The following CLSPN variants were observed in gnomAD, a reference collection of about 807,000 sequenced individuals.
CLSPN encodes the protein claspin homolog.
A neutral mutation model predicts 156.3 loss-of-function variants in CLSPN; 85 were observed. That is an observed-to-expected ratio of 0.54 (90% CI 0.46 to 0.65). The LOEUF is 0.65. CLSPN is among the 30% of genes least tolerant of loss of function. CLSPN has a pLI of 0.00. For synonymous variants in CLSPN, 534 were observed against 542.4 expected (o/e 0.98, Z 0.22); for missense variants, 1,407 against 1,554.9 (o/e 0.90, Z 1.60).
chr1:35,756,089 AAG>A (rs1459048486), intron 8 of CLSPN, among the ~76,000 whole-genome samples: 1 of 152,194 alleles, frequency 6.6e-6, no homozygotes, highest in African/African-American at 2.4e-5. Context: ...TTACTAGAAA[AAG>A]AGAAAAATGA....
rs200267861 is a variant in CLSPN, at chr1:35,760,703, C to T, written c.1218G>A (p.Glu406=). 9.2e-5 allele frequency: 148 copies of T among 1,614,160 alleles called. No homozygotes were observed. In the East Asian group the frequency reaches 2.3e-3, roughly 25 times the overall value. ...SCRKDLVKNE[E]LEIQEKQKQS... ...GCTTCTGTTTCTCCTGAATTTCTAG[C>T]TCTTCATTTTTTACCAAATCCTTCC... Residue 406 remains glutamate (E), a synonymous_variant, in exon 8 of 25, where the codon GAG becomes GAA. Coordinates refer to ENST00000318121, the MANE Select transcript of CLSPN (RefSeq NM_022111.4).
At position 35,738,019 on chromosome 1, in the gene CLSPN, C is replaced by A; in HGVS notation, c.3637G>T (p.Val1213Phe). 1 of 1,487,492 alleles carries A rather than the reference C, an allele frequency of 6.7e-7. No individual in the cohort carries two copies. Among genetic ancestry groups the A allele is most frequent in the South Asian group, 1.5e-5 (1 of 67,016 alleles). The allele number at this position is 1,487,492 out of a possible 1,614,324, so 92.1% of individuals were successfully genotyped here. Reference sequence around the variant, plus strand: ...TTCTTCTGCAGTGCTTTGGCTGTAACTTTCTTGGCCAGTATCATAAACTGA... The same window carrying A: ...TTCTTCTGCAGTGCTTTGGCTGTAAATTTCTTGGCCAGTATCATAAACTGA... ...DSQFMILAKK[V>F]TAKALQKNAS... Residue 1213 changes from valine to phenylalanine, a missense_variant, in exon 22 of 25, where the codon GTT becomes TTT. Val to Phe is a conservative substitution (Grantham distance 50). Transcript: ENST00000318121.
intron 13 of CLSPN, 134 bp downstream of exon 13, chr1:35,748,271 G>C (rs1641959316): frequency 1.4e-5 from 14 of 992,670 alleles, no homozygotes; most frequent in South Asian, 3.1e-5. Context: ...ATACACAAAG[G>C]GGGTGGATTT....
rs778616490 is a variant in CLSPN, at chr1:35,739,276, G to T, written c.3309-19C>A. ...AGTTTTCCTGCAACAGGAGAAATAA[G>T]GTGTTCAAAACAAGGACCATTCTGG... On this transcript the variant is annotated intron_variant, in intron 19 of 24. Coordinates refer to ENST00000318121, the MANE Select transcript of CLSPN (RefSeq NM_022111.4). The T allele has an allele frequency of 8.1e-6, 13 of 1,613,984 alleles. No homozygotes were observed. The Admixed American group carries it at 1.0e-4, about 12-fold the overall frequency.
rs752008941 is a variant in CLSPN at position 35,757,246 on chromosome 1, CCTGT to C, written c.1579+3092_1579+3095del. Among the ~76,000 whole-genome samples, 23 of 152,260 alleles carry C rather than the reference CCTGT, an allele frequency of 1.5e-4. 1 individual carries two copies. In the East Asian group the frequency reaches 1.5e-3, roughly 10 times the overall value. ...ATCCAGTATTGTAATGGTCTGTTTGCCTGTCTATCACTCCTATTACACTTCAATT... is the reference window on the plus strand; with the variant it reads ...ATCCAGTATTGTAATGGTCTGTTTGCCTATCACTCCTATTACACTTCAATT... On this transcript the variant is annotated intron_variant, in intron 8 of 24. Transcript: ENST00000318121.
At chr1:35,744,836 G>T (rs919345955) in intron 16 of CLSPN, among the ~76,000 whole-genome samples, 1 of 152,012 alleles carries the variant, frequency 6.6e-6, no homozygotes, top group African/African-American at 2.4e-5. Context: ...ATTTTGAGAC[G>T]GAGTTTTGTT....
chr1:35,755,988 G>A (rs554423694), intron 8 of CLSPN, among the ~76,000 whole-genome samples: 3 of 152,172 alleles, frequency 2.0e-5, no homozygotes, highest in Non-Finnish European at 4.4e-5. Context: ...CTATAGGCAT[G>A]AAACTTGACT....
intron 16 of CLSPN, 21 bp downstream of exon 16, chr1:35,745,430 T>C: frequency 6.5e-7 from 1 of 1,543,076 alleles, no homozygotes; most frequent in Middle Eastern, 1.7e-4. Flanking sequence ...CTTCCCAAAT[T>C]CCCAGCAATC....
chr1:35,728,077 C>CTTTTTT (rs59275877), downstream of CLSPN, among the ~76,000 whole-genome samples: 7 of 103,980 alleles, frequency 6.7e-5, no homozygotes, highest in African/African-American at 1.1e-4. Flanking sequence ...AAACCACAAG[C>CTTTTTT]TTTTTTTTTT....
chr1:35,745,554 T>C lies in CLSPN; in HGVS notation c.2863A>G (p.Thr955Ala), dbSNP rs1641850597. ...TTATTTAACTCTGATGAGGCTGGAG[T>C]GGAGGCATCTACATCACAACAAGGA... Reference protein sequence around the residue: ...SGKFTSQDASTPASSELNKQE... With the variant: ...SGKFTSQDASAPASSELNKQE... Residue 955 changes from threonine (T) to alanine (A), a missense_variant, in exon 16 of 25, where the codon ACT (threonine) becomes GCT (alanine). Coordinates refer to ENST00000318121, the MANE Select transcript of CLSPN (RefSeq NM_022111.4). The C allele has an allele frequency of 1.9e-6, 3 of 1,608,408 alleles. No individual in the cohort carries two copies. Among genetic ancestry groups the C allele is most frequent in the Non-Finnish European group, 2.6e-6 (3 of 1,175,008 alleles).
intron 14 of CLSPN, among the ~76,000 whole-genome samples, chr1:35,747,277 G>A (rs995444372): frequency 1.6e-4 from 25 of 151,852 alleles, no homozygotes; most frequent in Non-Finnish European, 2.9e-4. Flanking sequence ...AGCCGAGATC[G>A]CGCCACTGCA....
intron 8 of CLSPN, among the ~76,000 whole-genome samples, chr1:35,758,788 C>CT (rs1461260781): frequency 7.3e-6 from 1 of 137,142 alleles, no homozygotes; most frequent in African/African-American, 2.5e-5. Flanking sequence ...TCATATAGTG[C>CT]TTTTTTCTTT....
At chr1:35,725,245 C>G (rs1326037596) in intron 24 of CLSPN, among the ~76,000 whole-genome samples, 2 of 152,198 alleles carry the variant, frequency 1.3e-5, no homozygotes, top group Non-Finnish European at 2.9e-5. Flanking sequence ...TCTCACCCAC[C>G]CCTTCCAAGG....
At position 35,747,926 on chromosome 1, in the gene CLSPN, G is replaced by A; in HGVS notation, c.2608C>T (p.Gln870Ter). 6.2e-7 allele frequency: 1 copy of A among 1,613,918 alleles called. No homozygotes were observed. The highest frequency in any genetic ancestry group is 8.5e-7 in the Non-Finnish European group (1 of 1,179,966). ...QFCLEDDTQS[Q>*]LLDADGFLNV... ...ACCTACCCATCTGCATCCAACAGTT[G>A]GCTCTGAGTGTCATCTTCTAAACAG... The change falls in exon 14 of 25, where the codon CAA becomes TAA. Residue 870 changes from glutamine (Q) to a stop codon, truncating the protein, a stop_gained. Transcript: ENST00000318121. LOFTEE classifies it high-confidence loss of function.
At position 35,736,439 on chromosome 1, in the gene CLSPN, C is replaced by A; in HGVS notation, c.*57G>T. The stretch of plus-strand genomic sequence containing the variant: ...TGGCTGGAGTGTCAATTCCAACTTT[C>A]AGTGCTAGAAACTTCTCAAAGCAGT... On this transcript the variant is annotated 3_prime_UTR_variant, in exon 25 of 25. Coordinates refer to ENST00000318121, the MANE Select transcript of CLSPN (RefSeq NM_022111.4). 1 of 1,495,614 alleles carries A rather than the reference C, an allele frequency of 6.7e-7. No individual in the cohort carries two copies. The highest frequency in any genetic ancestry group is 8.9e-7 in the Non-Finnish European group (1 of 1,123,480). 92.6% of individuals were successfully genotyped at this position (1,495,614 alleles called of 1,614,324 possible). A position where few individuals can be genotyped will look rare whatever the true frequency, so the allele number is the denominator to read the frequency against.
Position 35,760,830 on chromosome 1 carries a change from C to T in CLSPN, c.1091G>A (p.Gly364Asp), listed in dbSNP as rs1204627321. ...TTCTGCACCTGTTGTCTGCTCAGAACCTTTACTATGGTGATCACTGTTCAT... is the reference window on the plus strand; with the variant it reads ...TTCTGCACCTGTTGTCTGCTCAGAATCTTTACTATGGTGATCACTGTTCAT... ...TEMNSDHHSK[G>D]SEQTTGAENE... The change falls in exon 8 of 25, where the codon GGT (glycine) becomes GAT (aspartate). Residue 364 changes from glycine (G) to aspartate (D), a missense_variant. This residue lies in a region of CLSPN where 1,096 missense variants were observed against 1,193.0 expected (regional missense o/e 0.92). Transcript: ENST00000318121. The T allele has an allele frequency of 4.3e-6, 7 of 1,613,794 alleles. No individual in the cohort carries two copies. The highest frequency in any genetic ancestry group is 3.3e-4 in the Middle Eastern group (2 of 6,082).
At chr1:35,725,767 T>C (rs568903085) in intron 24 of CLSPN, among the ~76,000 whole-genome samples, 1 of 152,206 alleles carries the variant, frequency 6.6e-6, no homozygotes, top group Admixed American at 6.5e-5. Context: ...CCAGCAGCCC[T>C]CAATGGAGGA....
intron 9 of CLSPN, among the ~76,000 whole-genome samples, chr1:35,753,454 G>A (rs1642162164): frequency 6.6e-6 from 1 of 151,914 alleles, no homozygotes; most frequent in Non-Finnish European, 1.5e-5. Flanking sequence ...TACACGATAT[G>A]GTTATAGAAC....
downstream of CLSPN, among the ~76,000 whole-genome samples, chr1:35,730,762 C>T (rs549888563): frequency 7.9e-5 from 12 of 152,034 alleles, no homozygotes; most frequent in Non-Finnish European, 1.3e-4. Context: ...CCTTGGGAGG[C>T]TGAGGCAGAA....
Sources: gnomAD v4.1 joint callset for allele counts (sites outside exome capture counted in the v4.1 genomes callset) on GRCh38, gnomAD v4.1.1 for gene constraint, gnomAD v4.1.1 regional missense constraint, MANE v1.5 for transcripts, NCBI Gene and HGNC (gene_info 2026-07-23, HGNC 2026-07-21) for gene names.